The following SYNE2 variants were observed in gnomAD, a reference collection of about 807,000 sequenced individuals.
SYNE2 encodes spectrin repeat containing nuclear envelope protein 2.
A neutral mutation model predicts 856.3 loss-of-function variants in SYNE2; 431 were observed. The ratio of observed to expected loss-of-function variants is 0.50; its 90% CI spans 0.47 to 0.55. The LOEUF is 0.55. Ranked by LOEUF, SYNE2 falls within the 20% of genes least tolerant of loss-of-function variation. SYNE2 has a pLI of 0.00. For synonymous variants in SYNE2, 2,923 were observed against 2,872.3 expected (o/e 1.02, Z -0.56); for missense variants, 8,129 against 8,023.2 (o/e 1.01, Z -0.50).
intron 78 of SYNE2, among the ~76,000 whole-genome samples, chr14:64,135,883 C>T (rs1339880171): frequency 6.6e-6 from 1 of 152,162 alleles, no homozygotes; most frequent in East Asian, 1.9e-4. Flanking sequence ...CAGCCGTCGT[C>T]TGTGGGGCAT....
intron 25 of SYNE2, 49 bp downstream of exon 25, chr14:63,997,440 C>T: frequency 7.2e-7 from 1 of 1,396,342 alleles, no homozygotes; most frequent in Non-Finnish European, 1.0e-6. Flanking sequence ...AAGTAAAAGA[C>T]CAAGTGTACA....
intron 1 of SYNE2, among the ~76,000 whole-genome samples, chr14:63,882,450 T>G (rs1347094202): frequency 6.6e-6 from 1 of 151,980 alleles, no homozygotes; most frequent in Non-Finnish European, 1.5e-5. Flanking sequence ...GAGCGGTGGC[T>G]CACACCAGTA....
At chr14:63,774,404 G>C (rs1887030447) in intron 1 of SYNE2, among the ~76,000 whole-genome samples, 1 of 149,368 alleles carries the variant, frequency 6.7e-6, no homozygotes. Context: ...GGGAGGTGGA[G>C]GCTGCAGTGA....
intron 79 of SYNE2, among the ~76,000 whole-genome samples, chr14:64,138,892 A>G (rs2098116939): frequency 6.6e-6 from 1 of 150,832 alleles, no homozygotes; most frequent in Non-Finnish European, 1.5e-5. Flanking sequence ...TTGTTGTTAT[A>G]CAGCTTATAC....
chr14:63,983,201 C>T (rs978865929), intron 17 of SYNE2, among the ~76,000 whole-genome samples: 1 of 151,944 alleles, frequency 6.6e-6, no homozygotes, highest in African/African-American at 2.4e-5. Flanking sequence ...ATGGATATAC[C>T]ACATTTTGTT....
At chr14:63,797,312 AC>A (rs1887956145) in intron 1 of SYNE2, among the ~76,000 whole-genome samples, 1 of 149,118 alleles carries the variant, frequency 6.7e-6, no homozygotes, top group Non-Finnish European at 1.5e-5. Context: ...AATTGCTTGA[AC>A]CCAGGAGGCG....
At chr14:64,086,940 C>T (rs1289522201) in intron 57 of SYNE2, among the ~76,000 whole-genome samples, 1 of 151,392 alleles carries the variant, frequency 6.6e-6, no homozygotes, top group Non-Finnish European at 1.5e-5. Context: ...GAACTCCTGA[C>T]CTCAGGTGAT....
chr14:63,959,707 C>T (rs2096285904), intron 8 of SYNE2, among the ~76,000 whole-genome samples: 1 of 151,962 alleles, frequency 6.6e-6, no homozygotes, highest in Admixed American at 6.6e-5. Context: ...TCCTTTTTTA[C>T]CTTCTTTTCT....
chr14:64,087,919 A>C (rs1595433566), intron 58 of SYNE2, 63 bp downstream of exon 58: 199 of 1,562,198 alleles, frequency 1.3e-4, no homozygotes, highest in Middle Eastern at 2.0e-4. Flanking sequence ...ATGGTGGCTC[A>C]TCCCTATAAT....
rs1567710693 is a variant in SYNE2 at position 64,225,715 on chromosome 14, G to T, written c.*189G>T. The T allele has an allele frequency of 3.0e-6, 2 of 670,920 alleles. No individual in the cohort carries two copies. Among genetic ancestry groups the T allele is most frequent in the Non-Finnish European group, 5.3e-6 (2 of 379,006 alleles). 41.6% of individuals were successfully genotyped at this position (670,920 alleles called of 1,614,324 possible). A position where few individuals can be genotyped will look rare whatever the true frequency, so the allele number is the denominator to read the frequency against. On this transcript the variant is annotated 3_prime_UTR_variant, in exon 116 of 116. Coordinates refer to ENST00000555002, the MANE Select transcript of SYNE2 (RefSeq NM_182914.3). ...TTTCAGATTGTGTTCCTCCCCAGGA[G>T]CAGGGAACCTGTGTGGCAGGTGCCC...
chr14:64,222,564 A>C (rs752129114), intron 112 of SYNE2, among the ~76,000 whole-genome samples: 1 of 152,124 alleles, frequency 6.6e-6, no homozygotes, highest in Non-Finnish European at 1.5e-5. Context: ...ATAAAATAAA[A>C]ATACAAGAAA....
intron 112 of SYNE2, 35 bp downstream of exon 112, chr14:64,221,739 AGCCTCT>A (rs1567693592): frequency 6.2e-7 from 1 of 1,611,976 alleles, no homozygotes; most frequent in East Asian, 2.2e-5. Flanking sequence ...TACTGCCACC[AGCCTCT>A]GTCAGCCCCA....
intron 1 of SYNE2, among the ~76,000 whole-genome samples, chr14:63,816,859 A>G (rs1206569959): frequency 6.6e-6 from 1 of 152,098 alleles, no homozygotes; most frequent in African/African-American, 2.4e-5. Flanking sequence ...TGAGACCACA[A>G]GTGACTCATT....
In SYNE2 at chr14:63,977,338, G is replaced by A. The variant is rs553602477; in HGVS notation, c.1294-567G>A. ...CACCATTCTCCTGCCTCAGCCTCCCGAGTAGCTGGGACTACAGGTGCCCAC... is the reference window on the plus strand; with the variant it reads ...CACCATTCTCCTGCCTCAGCCTCCCAAGTAGCTGGGACTACAGGTGCCCAC... On this transcript the variant is annotated intron_variant, in intron 12 of 115. Transcript: ENST00000555002. Among the ~76,000 whole-genome samples the A allele has an allele frequency of 4.3e-3, 648 of 151,902 alleles. 1 individual carries two copies. The highest frequency in any genetic ancestry group is 0.015 in the African/African-American group (625 of 41,438).
chr14:63,895,845 A>T (rs986703381), intron 1 of SYNE2, among the ~76,000 whole-genome samples: 1 of 151,582 alleles, frequency 6.6e-6, no homozygotes. Context: ...TTTCATTACA[A>T]TTTTGTAATT....
rs1156507814 is a variant in SYNE2, at chr14:64,150,014, T to C, written c.15640-2550T>C. On this transcript the variant is annotated intron_variant, in intron 84 of 115. Coordinates refer to ENST00000555002, the MANE Select transcript of SYNE2 (RefSeq NM_182914.3). ...GGCTTTTTTTTTTCTTTTCTTTTTTTTTTTTTTTTTTTTTTGATACAGGGT... is the reference window on the plus strand; with the variant it reads ...GGCTTTTTTTTTTCTTTTCTTTTTTCTTTTTTTTTTTTTTTGATACAGGGT... Among the ~76,000 whole-genome samples, 54 of 141,972 alleles carry C rather than the reference T, an allele frequency of 3.8e-4. No homozygotes were observed. In the East Asian group the frequency reaches 5.7e-3, roughly 15 times the overall value. 93.1% of individuals were successfully genotyped at this position (141,972 alleles called of 152,430 possible).
At chr14:63,864,628 T>G (rs1450604247) in intron 1 of SYNE2, among the ~76,000 whole-genome samples, 1 of 152,244 alleles carries the variant, frequency 6.6e-6, no homozygotes, top group Non-Finnish European at 1.5e-5. Flanking sequence ...TCTTATACAC[T>G]TACTGTTACT....
intron 105 of SYNE2, among the ~76,000 whole-genome samples, chr14:64,213,505 G>C (rs541260417): frequency 6.6e-6 from 1 of 152,212 alleles, no homozygotes; most frequent in Non-Finnish European, 1.5e-5. Flanking sequence ...AGTTCAGGTG[G>C]AGTTAAGGCC....
Position 64,158,626 on chromosome 14 carries a change from T to C in SYNE2, c.15794T>C (p.Val5265Ala), listed in dbSNP as rs142660236. The C allele has an allele frequency of 0.014, 22,443 of 1,613,822 alleles. 196 individuals carry two copies. Among genetic ancestry groups the C allele is most frequent in the Middle Eastern group, 0.035 (209 of 6,056 alleles). The part of the protein sequence containing the change: ...FQKRSSVLTQ[V>A]NQLKTSMQSV... ...AGTACGTTTCCACTTTTTGTCTAGG[T>C]CAATCAGCTCAAAACCTCCATGCAG... Residue 5265 changes from valine to alanine, a missense_variant and splice_region_variant, in exon 86 of 116, where the codon GTC (valine) becomes GCC (alanine). Val to Ala is a moderately conservative substitution (Grantham distance 64, BLOSUM62 0). This residue lies in a region of SYNE2 where 5,410 missense variants were observed against 5,284.8 expected (regional missense o/e 1.02). Transcript: ENST00000555002.
Sources: gnomAD v4.1 joint callset for allele counts (sites outside exome capture counted in the v4.1 genomes callset) on GRCh38, gnomAD v4.1.1 for gene constraint, gnomAD v4.1.1 regional missense constraint, MANE v1.5 for transcripts, NCBI Gene and HGNC (gene_info 2026-07-23, HGNC 2026-07-21) for gene names.